MACF1: variants seen among roughly 807,000 people sequenced by gnomAD.
The protein encoded by MACF1 is microtubule-actin cross-linking factor 1.
Under a neutral mutation model 854.8 loss-of-function variants are expected in MACF1, and 193 were observed. The ratio of observed to expected loss-of-function variants is 0.23; its 90% CI spans 0.20 to 0.25. MACF1 has a LOEUF of 0.25. Ranked by LOEUF, MACF1 falls within the 10% of genes least tolerant of loss-of-function variation. MACF1 has a pLI of 1.00. For missense variants in MACF1, 7,722 were observed against 8,929.1 expected (o/e 0.86, Z 5.45); for synonymous variants, 3,185 against 3,226.7 (o/e 0.99, Z 0.44).
At chr1:39,396,066 C>T (rs966323476) in intron 58 of MACF1, among the ~76,000 whole-genome samples, 5 of 152,168 alleles carry the variant, frequency 3.3e-5, no homozygotes, top group Admixed American at 3.3e-4. Flanking sequence ...ACAGGCTAGG[C>T]GCAGTGGCTC....
intron 99 of MACF1, 99 bp downstream of exon 99, chr1:39,481,129 T>C (rs1399542483): frequency 2.8e-6 from 2 of 717,588 alleles, no homozygotes; most frequent in Non-Finnish European, 2.4e-6. Flanking sequence ...CTGCACTCTT[T>C]CATCTCTGTG....
intron 2 of MACF1, among the ~76,000 whole-genome samples, chr1:39,110,815 G>A (rs1232610014): frequency 6.6e-6 from 1 of 152,150 alleles, no homozygotes; most frequent in Non-Finnish European, 1.5e-5. Flanking sequence ...ATGCACCAGC[G>A]TAAGCCTATT....
chr1:39,152,861 A>G (rs983323644), intron 2 of MACF1, among the ~76,000 whole-genome samples: 7 of 151,916 alleles, frequency 4.6e-5, no homozygotes, highest in Non-Finnish European at 8.8e-5. Context: ...ACAAATTAAA[A>G]AAAAAAAGGC....
At chr1:39,261,737 T>C (rs1645165948) in intron 6 of MACF1, among the ~76,000 whole-genome samples, 1 of 152,242 alleles carries the variant, frequency 6.6e-6, no homozygotes, top group African/African-American at 2.4e-5. Context: ...TTTTCACTTT[T>C]TCACTGTTAT....
chr1:39,273,263 A>C (rs1193892571), intron 6 of MACF1, among the ~76,000 whole-genome samples: 1 of 150,092 alleles, frequency 6.7e-6, no homozygotes, highest in Non-Finnish European at 1.5e-5. Context: ...CAGCCTCCCG[A>C]GTAACTGGGA....
intron 58 of MACF1, chr1:39,414,373 A>G: frequency 1.2e-6 from 2 of 1,613,960 alleles, no homozygotes; most frequent in Non-Finnish European, 1.7e-6. Flanking sequence ...AATGTGGATC[A>G]AGGAGGACCT....
At chr1:39,100,207 G>A (rs545358245) in intron 2 of MACF1, among the ~76,000 whole-genome samples, 37 of 152,214 alleles carry the variant, frequency 2.4e-4, no homozygotes, top group African/African-American at 8.9e-4. Flanking sequence ...CTCCAGCCTG[G>A]GTGATAGAGT....
At chr1:39,258,132 G>A in intron 6 of MACF1, 104 bp downstream of exon 6, 1 of 914,496 alleles carries the variant, frequency 1.1e-6, no homozygotes, top group Non-Finnish European at 1.8e-6. Flanking sequence ...CTCTCTATTT[G>A]TCAGTGAACA....
At chr1:39,382,253 T>G in intron 56 of MACF1, 101 bp downstream of exon 56, 1 of 1,079,322 alleles carries the variant, frequency 9.3e-7, no homozygotes, top group Non-Finnish European at 1.3e-6. Flanking sequence ...AGTCATTTAA[T>G]CTCTCAGAGT....
chr1:39,094,430 A>G (rs1265418089), intron 2 of MACF1, among the ~76,000 whole-genome samples: 1 of 151,504 alleles, frequency 6.6e-6, no homozygotes, highest in Non-Finnish European at 1.5e-5. Flanking sequence ...AAGAAAAAAG[A>G]AAGAAATCGG....
intron 41 of MACF1, among the ~76,000 whole-genome samples, chr1:39,348,517 A>G (rs1169254162): frequency 6.6e-6 from 1 of 152,050 alleles, no homozygotes; most frequent in Non-Finnish European, 1.5e-5. Context: ...CTTTTTTCAG[A>G]TTCAGTCTGC....
In MACF1 at chr1:39,287,501, C is replaced by G. The variant is rs1478240587; in HGVS notation, c.1724C>G (p.Ser575Cys). 1.9e-6 allele frequency: 3 copies of G among 1,614,082 alleles called. No individual in the cohort carries two copies. Among genetic ancestry groups the G allele is most frequent in the East Asian group, 4.5e-5 (2 of 44,900 alleles). ...GCTGAACTTGTGGCCATCAGCTCCT[C>G]TGAAGATGAAGGCAATCTCCGATTT... ...TRAELVAISS[S>C]EDEGNLRFVY... Residue 575 changes from serine (S) to cysteine (C), a missense_variant, in exon 15 of 101, where the codon TCT becomes TGT. This residue lies in a region of MACF1 where 1,137 missense variants were observed against 1,263.0 expected (regional missense o/e 0.90). Coordinates refer to ENST00000564288, the MANE Select transcript of MACF1 (RefSeq NM_001394062.1).
In MACF1 at chr1:39,409,883, T is replaced by C. The variant is rs1642908640; in HGVS notation, c.15817-12491T>C. 5.8e-6 allele frequency: 1 copy of C among 172,478 alleles called. No homozygotes were observed. The highest frequency in any genetic ancestry group is 6.0e-5 in the Admixed American group (1 of 16,676). 10.7% of individuals were successfully genotyped at this position (172,478 alleles called of 1,614,324 possible). A position where few individuals can be genotyped will look rare whatever the true frequency, so the allele number is the denominator to read the frequency against. On this transcript the variant is annotated intron_variant, in intron 58 of 100. Transcript: ENST00000564288. This position sits in a 1 kb window ranked among gnomAD's most constrained non-coding sequence, Gnocchi z 4.2. ...AAGGATACAATCGGCATAAATTTGC[T>C]GCTCCCAACTCTGCTTCGGTGAGAA...
chr1:39,331,746 CA>C lies in MACF1; in HGVS notation c.5159del (p.His1720ProfsTer19). ...GGATCTGATGCAGCGATGTATTGTC[CA>C]CCAGGAATCAGGATTCAAATTACTG... ...LLDLMQRCIV[H>X]QESGFKLLPV... On this transcript the variant is annotated frameshift_variant, in exon 37 of 101. Coordinates refer to ENST00000564288, the MANE Select transcript of MACF1 (RefSeq NM_001394062.1). LOFTEE classifies it high-confidence loss of function. 6.2e-7 allele frequency: 1 copy of C among 1,614,056 alleles called. No homozygotes were observed. The highest frequency in any genetic ancestry group is 8.5e-7 in the Non-Finnish European group (1 of 1,180,020).
At chr1:39,415,573 G>A (rs542098179) in intron 58 of MACF1, among the ~76,000 whole-genome samples, 11 of 150,604 alleles carry the variant, frequency 7.3e-5, no homozygotes, top group African/African-American at 2.4e-4. Flanking sequence ...GTGTTAGCCA[G>A]GATGGTCTCA....
At chr1:39,301,575 G>A (rs1646042810) in intron 22 of MACF1, among the ~76,000 whole-genome samples, 1 of 151,494 alleles carries the variant, frequency 6.6e-6, no homozygotes, top group African/African-American at 2.4e-5. Context: ...ACAGGTGTAT[G>A]CCATCACGCC....
chr1:39,113,056 G>A (rs1020720013), intron 2 of MACF1, among the ~76,000 whole-genome samples: 3 of 151,890 alleles, frequency 2.0e-5, no homozygotes, highest in Non-Finnish European at 4.4e-5. Context: ...CCAGAGAGTA[G>A]ATTTCTACTG....
intron 3 of MACF1, among the ~76,000 whole-genome samples, chr1:39,251,625 TAGGAGGCTA>T (rs1362919292): frequency 6.6e-6 from 1 of 152,194 alleles, no homozygotes; most frequent in Admixed American, 6.5e-5. Context: ...GCAGAGAGGG[TAGGAGGCTA>T]AGGAGAATTG....
At chr1:39,128,698 C>CAA (rs76492560) in intron 2 of MACF1, among the ~76,000 whole-genome samples, 1 of 136,612 alleles carries the variant, frequency 7.3e-6, no homozygotes, top group Non-Finnish European at 1.6e-5. Context: ...GACTCCGTCT[C>CAA]AAAAAAAAAA....
Sources: gnomAD v4.1 joint callset for allele counts (sites outside exome capture counted in the v4.1 genomes callset) on GRCh38, gnomAD v4.1.1 for gene constraint, gnomAD v4.1.1 regional missense constraint, Gnocchi (gnomAD v3.1) non-coding constraint, MANE v1.5 for transcripts, NCBI Gene and HGNC (gene_info 2026-07-23, HGNC 2026-07-21) for gene names.